Variants in HEATR5B observed in about 807,000 individuals in gnomAD.
HEATR5B encodes HEAT repeat containing 5B, also known as HEAT repeat-containing protein 5B.
Under a neutral mutation model 224.1 loss-of-function variants are expected in HEATR5B, and 156 were observed. The ratio of observed to expected loss-of-function variants is 0.70; its 90% confidence interval spans 0.61 to 0.80. The LOEUF is 0.80. Among genes scored for constraint, HEATR5B ranks in the 30% least tolerant of loss-of-function variants. HEATR5B has a pLI of 0.00. For missense variants in HEATR5B, 2,323 were observed against 2,535.5 expected (o/e 0.92, Z 1.80); for synonymous variants, 1,027 against 893.0 (o/e 1.15, Z -2.68).
intron 26 of HEATR5B, among the ~76,000 whole-genome samples, chr2:37,014,891 G>C (rs184200717): frequency 4.2e-4 from 64 of 152,020 alleles, no homozygotes; most frequent in African/African-American, 1.4e-3. Context: ...GCTGAGGCAG[G>C]AGAATCGCTA....
intron 3 of HEATR5B, 140 bp downstream of exon 3, chr2:37,078,980 G>A (rs1464486705): frequency 7.9e-6 from 4 of 506,284 alleles, no homozygotes; most frequent in Admixed American, 3.7e-5. Flanking sequence ...ATCACAACTC[G>A]ATCCACTTAG....
chr2:37,076,885 C>A (rs1672270266), intron 4 of HEATR5B, 26 bp downstream of exon 4: 1 of 1,508,448 alleles, frequency 6.6e-7, no homozygotes, highest in East Asian at 2.3e-5. Context: ...AGCAAATATT[C>A]AAATAATATT....
At chr2:36,982,861 G>GAAACACACACACACAC (rs1665672650) in intron 35 of HEATR5B, among the ~76,000 whole-genome samples, 1 of 58,514 alleles carries the variant, frequency 1.7e-5, no homozygotes, top group Non-Finnish European at 3.5e-5. Flanking sequence ...AACAGACACA[G>GAAACACACACACACAC]ATACACACAC....
intron 24 of HEATR5B, among the ~76,000 whole-genome samples, chr2:37,026,295 C>T (rs1668768436): frequency 1.3e-5 from 2 of 152,142 alleles, no homozygotes; most frequent in African/African-American, 4.8e-5. Context: ...CCTGCTGATG[C>T]CTTGATGTTA....
chr2:37,071,636 T>A (rs554218830), intron 6 of HEATR5B, among the ~76,000 whole-genome samples: 1 of 152,040 alleles, frequency 6.6e-6, no homozygotes, highest in Admixed American at 6.5e-5. Context: ...TACATTATCA[T>A]CACAAAAAAT....
At chr2:37,000,886 T>C in intron 32 of HEATR5B, 73 bp from the exon 33 acceptor site, 1 of 1,017,252 alleles carries the variant, frequency 9.8e-7, no homozygotes, top group Non-Finnish European at 1.5e-6. Flanking sequence ...ATTGCTTGTA[T>C]TTTTTGCATT....
At position 37,057,534 on chromosome 2, in the gene HEATR5B, T is replaced by C. The variant is rs1015133897; in HGVS notation, c.2060-54A>G. 15 of 1,261,184 alleles carry C rather than the reference T, an allele frequency of 1.2e-5. No individual in the cohort carries two copies. The African/African-American group carries it at 2.3e-4, about 19-fold the overall frequency. 78.1% of individuals were successfully genotyped at this position (1,261,184 alleles called of 1,614,324 possible). ...AAAAGAATAATTTTTGTGAAAATTA[T>C]AATCATTGCCCACAAAGAGCTGCAA... On this transcript the variant is annotated intron_variant, in intron 14 of 35. Coordinates refer to ENST00000233099, the MANE Select transcript of HEATR5B (RefSeq NM_019024.3).
At chr2:37,068,375 G>C (rs1436770896) in intron 8 of HEATR5B, among the ~76,000 whole-genome samples, 3 of 152,086 alleles carry the variant, frequency 2.0e-5, no homozygotes, top group South Asian at 2.1e-4. Flanking sequence ...AGCAGAAAGA[G>C]GACAATAGAT....
At chr2:37,039,259 G>A (rs1243622621) in intron 20 of HEATR5B, among the ~76,000 whole-genome samples, 1 of 152,044 alleles carries the variant, frequency 6.6e-6, no homozygotes, top group Admixed American at 6.6e-5. Context: ...GAGGTCAGGA[G>A]TTCGAGACCA....
chr2:37,083,649 G>A (rs2148622282), intron 1 of HEATR5B, among the ~76,000 whole-genome samples: 1 of 152,228 alleles, frequency 6.6e-6, no homozygotes, highest in Non-Finnish European at 1.5e-5. Context: ...AGTGACTCAT[G>A]GAGTGAAAAG....
At position 37,038,030 on chromosome 2, in the gene HEATR5B, G is replaced by T. The variant is rs1669618985; in HGVS notation, c.3047-6C>A. ...AGAAGTTGTTGCTCCATTCCCTGGTGCAAAATGAAAGAAAATATAAAATAT... is the reference window on the plus strand; with the variant it reads ...AGAAGTTGTTGCTCCATTCCCTGGTTCAAAATGAAAGAAAATATAAAATAT... On this transcript the variant is annotated splice_region_variant and splice_polypyrimidine_tract_variant and intron_variant, in intron 20 of 35. Coordinates refer to ENST00000233099, the MANE Select transcript of HEATR5B (RefSeq NM_019024.3). 5.4e-6 allele frequency: 8 copies of T among 1,472,454 alleles called. No homozygotes were observed. Among genetic ancestry groups the T allele is most frequent in the Non-Finnish European group, 7.2e-6 (8 of 1,103,854 alleles). The allele number at this position is 1,472,454 out of a possible 1,614,324, so 91.2% of individuals were successfully genotyped here.
chr2:37,000,541 AAC>A, intron 33 of HEATR5B, 43 bp downstream of exon 33: 1 of 1,447,136 alleles, frequency 6.9e-7, no homozygotes, highest in Non-Finnish European at 9.7e-7. Flanking sequence ...TTACTTAGGG[AAC>A]ACATATCCTA....
chr2:37,082,872 C>T (rs1572962587), intron 2 of HEATR5B, among the ~76,000 whole-genome samples: 1 of 151,876 alleles, frequency 6.6e-6, no homozygotes, highest in Non-Finnish European at 1.5e-5. Flanking sequence ...TAGGGTCTCC[C>T]CAAACGAGCT....
chr2:37,030,277 A>G (rs1173420717), intron 22 of HEATR5B, among the ~76,000 whole-genome samples: 3 of 152,236 alleles, frequency 2.0e-5, no homozygotes, highest in Non-Finnish European at 4.4e-5. Flanking sequence ...AACAATAGAA[A>G]AAGTTAAATG....
intron 14 of HEATR5B, among the ~76,000 whole-genome samples, chr2:37,057,897 T>C (rs1671014573): frequency 6.6e-6 from 1 of 152,142 alleles, no homozygotes; most frequent in Non-Finnish European, 1.5e-5. Context: ...TGTGATATGA[T>C]TATTATTATT....
chr2:36,983,043 C>T (rs1424079644), intron 35 of HEATR5B, among the ~76,000 whole-genome samples: 5 of 152,140 alleles, frequency 3.3e-5, no homozygotes, highest in African/African-American at 4.8e-5. Context: ...GGTACACAGC[C>T]ATCCAGTAAC....
chr2:36,983,714 C>T (rs1239357702), intron 35 of HEATR5B, among the ~76,000 whole-genome samples: 2 of 150,876 alleles, frequency 1.3e-5, no homozygotes, highest in East Asian at 3.9e-4. Flanking sequence ...GGCGACAAAG[C>T]GAGACTCCCT....
intron 5 of HEATR5B, 133 bp downstream of exon 5, chr2:37,075,352 T>G (rs1672161109): frequency 1.6e-6 from 1 of 638,462 alleles, no homozygotes; most frequent in African/African-American, 1.9e-5. Flanking sequence ...TACTATTATA[T>G]ATAATTCTAG....
At chr2:37,068,562 A>C in intron 8 of HEATR5B, 119 bp downstream of exon 8, 2 of 1,101,668 alleles carry the variant, frequency 1.8e-6, no homozygotes, top group Non-Finnish European at 2.6e-6. Context: ...ACTCAATAAA[A>C]ATCACTATGA....
Sources: allele counts gnomAD v4.1 joint callset (sites outside exome capture counted in the v4.1 genomes callset), GRCh38; gene constraint gnomAD v4.1.1; transcripts MANE v1.5; gene names NCBI Gene and HGNC (gene_info 2026-07-23, HGNC 2026-07-21).